Variants in NLRX1 observed in about 807,000 individuals in gnomAD.
NLRX1 encodes the protein NOD-like receptor X1.
NLRX1 carries 67 observed loss-of-function variants against 74.2 expected under a neutral mutation model. That is an observed-to-expected ratio of 0.90 (90% CI 0.74 to 1.11). The LOEUF (loss-of-function observed/expected upper bound fraction) is 1.11, where lower values mean the gene tolerates loss of function less well. Among genes scored for constraint, NLRX1 ranks in the 50% least tolerant of loss-of-function variants. The pLI is 0.00. For missense variants in NLRX1, 1,191 were observed against 1,305.4 expected, an observed-to-expected ratio of 0.91 and a Z score of 1.35; for synonymous variants, 506 against 559.1, an observed-to-expected ratio of 0.91 and a Z score of 1.34.
intron 1 of NLRX1, among the ~76,000 whole-genome samples, chr11:119,170,625 C>A (rs1459699110): frequency 6.6e-6 from 1 of 151,986 alleles, no homozygotes; most frequent in Non-Finnish European, 1.5e-5. Flanking sequence ...AATGATGAAG[C>A]CATTAAAACT....
Position 119,175,225 on chromosome 11 carries a change from C to G in NLRX1, c.1622C>G (p.Ala541Gly). The G allele has an allele frequency of 6.2e-7, 1 of 1,614,144 alleles. No homozygotes were observed. The highest frequency in any genetic ancestry group is 1.1e-5 in the South Asian group (1 of 91,084). The change falls in exon 6 of 10, where the codon GCC becomes GGC. Residue 541 changes from alanine (A) to glycine (G), a missense_variant. Transcript: ENST00000409109. ...EDVSLVLGIM[A>G]KLLPLRALPL... ...GTCAGCCTGGTACTGGGCATCATGG[C>G]CAAGCTGCTGCCTCTGCGGGCTCTG...
rs751657075 is a variant in NLRX1 at position 119,183,168 on chromosome 11, TG to T, written c.2663del (p.Gly888ValfsTer13). Reference sequence around the variant, plus strand: ...GAGGGCCGCCAGGTCTTGCGAGACTTGGGGGGTGCTGCTGAAGGTGGTGCCC... The same window carrying T: ...GAGGGCCGCCAGGTCTTGCGAGACTTGGGGGTGCTGCTGAAGGTGGTGCCC... ...SSEGRQVLRDLGGAAEGGARV... is the reference protein window; with the variant it reads ...SSEGRQVLRDXGGAAEGGARV... On this transcript the variant is annotated frameshift_variant, in exon 10 of 10. Transcript: ENST00000409109. LOFTEE classifies it high-confidence loss of function. This position sits in a 1 kb window ranked among gnomAD's most constrained non-coding sequence, Gnocchi z 5.7. 1.2e-6 allele frequency: 2 copies of T among 1,614,092 alleles called. No individual in the cohort carries two copies. The highest frequency in any genetic ancestry group is 8.5e-7 in the Non-Finnish European group (1 of 1,180,028).
At chr11:119,172,453 C>G in intron 3 of NLRX1, 28 bp downstream of exon 3, 2 of 1,520,396 alleles carry the variant, frequency 1.3e-6, no homozygotes, top group East Asian at 4.5e-5. Flanking sequence ...TACCTTAGGA[C>G]TAGTCTGGGC....
At chr11:119,172,770 TG>T in intron 3 of NLRX1, 130 bp from the exon 4 acceptor site, 1 of 707,942 alleles carries the variant, frequency 1.4e-6, no homozygotes. Flanking sequence ...CCTCTAAACT[TG>T]GGGGTCCAGT....
Position 119,171,401 on chromosome 11 carries a change from A to T in NLRX1, c.-3A>T. On this transcript the variant is annotated 5_prime_UTR_variant, in exon 2 of 10. Coordinates refer to ENST00000409109, the MANE Select transcript of NLRX1 (RefSeq NM_001282144.2). ...CCCCCAGGCTCTGACCTTCTTTCCC[A>T]GGATGAGGTGGGGCCACCATTTGCC... The T allele has an allele frequency of 6.2e-7, 1 of 1,613,736 alleles. No homozygotes were observed. Among genetic ancestry groups the T allele is most frequent in the Non-Finnish European group, 8.5e-7 (1 of 1,179,814 alleles).
In NLRX1 at chr11:119,172,949, C is replaced by T. The variant is rs561434742; in HGVS notation, c.189C>T (p.Pro63=). 2.8e-5 allele frequency: 45 copies of T among 1,613,894 alleles called. No individual in the cohort carries two copies. The highest frequency in any genetic ancestry group is 2.1e-4 in the African/African-American group (16 of 74,982). Residue 63 remains proline, a synonymous_variant, in exon 4 of 10, where the codon CCC becomes CCT. Coordinates refer to ENST00000409109, the MANE Select transcript of NLRX1 (RefSeq NM_001282144.2). ...GCTCGGTAGATAGCGCTCCCCCACC[C>T]GGGAGGCATGGACGGCTGTTCCCCA... ...HGSSVDSAPP[P]GRHGRLFPSA... is the part of the protein sequence containing the mutation.
chr11:119,174,884 A>C lies in NLRX1; in HGVS notation c.1281A>C (p.Arg427=). The stretch of plus-strand genomic sequence containing the variant: ...TGTCCCTGATGGCCTATGCAGCCCG[A>C]ACCATGGGCAAGTTGGCCTATGAGG... ...SNLSLMAYAA[R]TMGKLAYEGV... The change falls in exon 6 of 10, where the codon CGA becomes CGC. Residue 427 remains arginine (R), a synonymous_variant. Transcript: ENST00000409109. 1 of 1,614,046 alleles carries C rather than the reference A, an allele frequency of 6.2e-7. No homozygotes were observed. The highest frequency in any genetic ancestry group is 8.5e-7 in the Non-Finnish European group (1 of 1,180,022).
In NLRX1 at chr11:119,173,356, C is replaced by A; in HGVS notation, c.230-123C>A. The A allele has an allele frequency of 1.9e-6, 2 of 1,062,276 alleles. No homozygotes were observed. Among genetic ancestry groups the A allele is most frequent in the East Asian group, 2.4e-5 (1 of 42,004 alleles). 65.8% of individuals were successfully genotyped at this position (1,062,276 alleles called of 1,614,324 possible). On this transcript the variant is annotated intron_variant, in intron 4 of 9. Coordinates refer to ENST00000409109, the MANE Select transcript of NLRX1 (RefSeq NM_001282144.2). The surrounding 1 kb of genome is among the most constrained non-coding windows in gnomAD (Gnocchi z 4.0). Reference sequence around the variant, plus strand: ...TTTCTCAGGGAGTCTTGTGTGCCCACCATTGTGGGCCCCAGCATCTATGCC... The same window carrying A: ...TTTCTCAGGGAGTCTTGTGTGCCCAACATTGTGGGCCCCAGCATCTATGCC...
intron 2 of NLRX1, 128 bp downstream of exon 2, chr11:119,171,601 T>TG (rs1185007332): frequency 1.6e-6 from 1 of 640,592 alleles, no homozygotes; most frequent in Non-Finnish European, 2.7e-6. Context: ...CTCTAGCTGT[T>TG]GACCTTGAGC....
chr11:119,179,585 G>A (rs1948778340), intron 6 of NLRX1, 108 bp from the exon 7 acceptor site: 2 of 911,874 alleles, frequency 2.2e-6, no homozygotes, highest in Non-Finnish European at 3.4e-6. Context: ...TAAGTTCAAG[G>A]GGAGATCACA....
chr11:119,181,441 C>T (rs1031951655), intron 8 of NLRX1, 184 bp downstream of exon 8: 4 of 589,948 alleles, frequency 6.8e-6, no homozygotes, highest in African/African-American at 3.7e-5. Flanking sequence ...GGGAAACATG[C>T]CACCTGTAAT....
chr11:119,174,533 C>T lies in NLRX1; in HGVS notation c.930C>T (p.Cys310=), dbSNP rs117003965. 627 of 1,614,188 alleles carry T rather than the reference C, an allele frequency of 3.9e-4. 4 individuals carry two copies. In the East Asian group the frequency reaches 8.8e-3, roughly 23 times the overall value. Residue 310 remains cysteine (C), a synonymous_variant, in exon 6 of 10, where the codon TGC becomes TGT. Transcript: ENST00000409109. ...ACGTGGGCCGCTATGGTGAGATCTG[C>T]GGTTTCTCTGATACCAACCTGCAGA... ...SKYVGRYGEI[C]GFSDTNLQKL... is the part of the protein sequence containing the mutation.
chr11:119,179,849 C>T lies in NLRX1; in HGVS notation c.1828C>T (p.His610Tyr). 1 of 1,614,142 alleles carries T rather than the reference C, an allele frequency of 6.2e-7. No homozygotes were observed. Among genetic ancestry groups the T allele is most frequent in the Non-Finnish European group, 8.5e-7 (1 of 1,180,010 alleles). Residue 610 changes from histidine to tyrosine, a missense_variant, in exon 7 of 10, where the codon CAC becomes TAC. Physicochemically the swap from His to Tyr is moderately conservative, Grantham distance 83 (BLOSUM62 2). Coordinates refer to ENST00000409109, the MANE Select transcript of NLRX1 (RefSeq NM_001282144.2). ...SILGVEGPRR[H>Y]PDEPPEDEVF... ...CCTGGGCGTGGAGGGCCCCCGGCGC[C>T]ACCCAGATGAGCCCCCTGAGGATGA... is the stretch of plus-strand genomic sequence containing the variant.
At position 119,173,595 on chromosome 11, in the gene NLRX1, C is replaced by T. The variant is rs866938495; in HGVS notation, c.346C>T (p.Arg116Cys). The change falls in exon 5 of 10, where the codon CGC becomes TGC. Residue 116 changes from arginine (R) to cysteine (C), a missense_variant. Coordinates refer to ENST00000409109, the MANE Select transcript of NLRX1 (RefSeq NM_001282144.2). The surrounding 1 kb of genome is among the most constrained non-coding windows in gnomAD (Gnocchi z 4.0). The part of the protein sequence containing the change: ...LDTVHVDPVI[R>C]ESTPDELLRP... ...CACGGTCCACGTTGACCCTGTGATC[C>T]GCGAGAGTACCCCTGATGAGCTACT... is the stretch of plus-strand genomic sequence containing the variant. 8 of 1,614,022 alleles carry T rather than the reference C, an allele frequency of 5.0e-6. No homozygotes were observed. The highest frequency in any genetic ancestry group is 4.5e-5 in the East Asian group (2 of 44,882).
chr11:119,172,785 G>A, intron 3 of NLRX1, 116 bp from the exon 4 acceptor site: 1 of 774,724 alleles, frequency 1.3e-6, no homozygotes, highest in Non-Finnish European at 2.2e-6. Flanking sequence ...GTCCAGTGTG[G>A]GGCCTTTATC....
In NLRX1 at chr11:119,180,057, T is replaced by C; in HGVS notation, c.2036T>C (p.Leu679Pro). The change falls in exon 7 of 10, where the codon CTC becomes CCC. Residue 679 changes from leucine to proline, a missense_variant. Physicochemically the swap from Leu to Pro is moderately conservative, Grantham distance 98. Coordinates refer to ENST00000409109, the MANE Select transcript of NLRX1 (RefSeq NM_001282144.2). ...CCCCCATCAGAGCTCCTTGACCACC[T>C]CTTCTTCCACTATGAGTTCCAGAAC... ...VLPPSELLDH[L>P]FFHYEFQNQR... 6.2e-7 allele frequency: 1 copy of C among 1,613,652 alleles called. No individual in the cohort carries two copies. The highest frequency in any genetic ancestry group is 1.1e-5 in the South Asian group (1 of 91,082).
At chr11:119,172,283 G>A (rs1263339473) in intron 2 of NLRX1, 73 bp from the exon 3 acceptor site, 2 of 1,161,264 alleles carry the variant, frequency 1.7e-6, no homozygotes, top group Non-Finnish European at 2.6e-6. Context: ...CAAATACTGG[G>A]GGGTTTGATG....
intron 8 of NLRX1, 195 bp downstream of exon 8, chr11:119,181,452 G>T (rs936616019): frequency 1.4e-5 from 8 of 578,162 alleles, no homozygotes; most frequent in Non-Finnish European, 2.5e-5. Context: ...CACCTGTAAT[G>T]GGTGCTAAGA....
intron 2 of NLRX1, 113 bp from the exon 3 acceptor site, chr11:119,172,243 G>A (rs1366905274): frequency 2.6e-6 from 2 of 781,544 alleles, no homozygotes; most frequent in Non-Finnish European, 4.5e-6. Flanking sequence ...AATAACTGCT[G>A]CAAAGGGGCA....
Sources: gnomAD v4.1 joint callset for allele counts (sites outside exome capture counted in the v4.1 genomes callset) on GRCh38, gnomAD v4.1.1 for gene constraint, Gnocchi (gnomAD v3.1) non-coding constraint, MANE v1.5 for transcripts, NCBI Gene and HGNC (gene_info 2026-07-23, HGNC 2026-07-21) for gene names.